Variants in CDH13 observed in about 807,000 individuals in gnomAD.
CDH13 encodes cadherin-13.
In CDH13, 24 loss-of-function variants were observed where a neutral mutation model predicts 63.8. The observed-to-expected ratio is 0.38, with a 90% CI of 0.27 to 0.53. The LOEUF is 0.53. Among genes scored for constraint, CDH13 ranks in the 20% least tolerant of loss-of-function variants. The probability of loss-of-function intolerance (pLI) is 0.85; values close to 1 mark genes in which losing one functional copy is unlikely to be tolerated. For missense variants in CDH13, 1,049 were observed against 903.1 expected (o/e 1.16, Z -2.07); for synonymous variants, 503 against 355.3 (o/e 1.42, Z -4.67).
At chr16:83,010,635 C>G (rs1329578876) in intron 2 of CDH13, among the ~76,000 whole-genome samples, 2 of 152,084 alleles carry the variant, frequency 1.3e-5, no homozygotes, top group Non-Finnish European at 2.9e-5. Flanking sequence ...TCAGAAATAC[C>G]TCCTTGTGGG....
At chr16:83,697,659 G>A (rs1420107321) in intron 10 of CDH13, among the ~76,000 whole-genome samples, 2 of 152,146 alleles carry the variant, frequency 1.3e-5, no homozygotes, top group African/African-American at 2.4e-5. Flanking sequence ...CGAGAGCAAT[G>A]GTTTTTGAGA....
rs28376781 is a variant in CDH13, at chr16:83,611,458, G to A, written c.1101+8864G>A. ...TTTTCTTGGTTGGTCCTGCCATGGA[G>A]TCATTCTATCCACTTTATTAATCTT... On this transcript the variant is annotated intron_variant, in intron 8 of 13. Transcript: ENST00000567109. Among the ~76,000 whole-genome samples, 1,084 of 151,964 alleles carry A rather than the reference G, an allele frequency of 7.1e-3. 9 individuals are homozygous for A. Among genetic ancestry groups the A allele is most frequent in the African/African-American group, 0.025 (1,038 of 41,482 alleles).
At chr16:83,025,573 C>T (rs145477565) in intron 2 of CDH13, among the ~76,000 whole-genome samples, 20 of 152,260 alleles carry the variant, frequency 1.3e-4, no homozygotes, top group African/African-American at 4.8e-4. Context: ...CCTCCCATGA[C>T]ACACGGGAGT....
At chr16:83,223,042 A>G (rs900947738) in intron 5 of CDH13, among the ~76,000 whole-genome samples, 1 of 142,008 alleles carries the variant, frequency 7.0e-6, no homozygotes, top group Admixed American at 7.4e-5. Context: ...ATGTCTGCTG[A>G]TATTGCCAGT....
At chr16:83,358,639 C>G (rs2091101779) in intron 6 of CDH13, among the ~76,000 whole-genome samples, 2 of 152,188 alleles carry the variant, frequency 1.3e-5, no homozygotes, top group Admixed American at 1.3e-4. Flanking sequence ...GACGTTGAGT[C>G]AAGCCACGCT....
intron 1 of CDH13, among the ~76,000 whole-genome samples, chr16:82,672,461 C>A (rs1319812833): frequency 1.3e-5 from 2 of 152,102 alleles, no homozygotes; most frequent in Non-Finnish European, 2.9e-5. Flanking sequence ...TTTAGTCCCT[C>A]CCTAATCACT....
At chr16:83,529,437 T>C (rs977239292) in intron 7 of CDH13, among the ~76,000 whole-genome samples, 2 of 152,190 alleles carry the variant, frequency 1.3e-5, no homozygotes, top group African/African-American at 4.8e-5. Context: ...AAAGGTTAGA[T>C]CTCCATTCAC....
intron 7 of CDH13, among the ~76,000 whole-genome samples, chr16:83,520,138 A>G (rs1209378303): frequency 6.6e-6 from 1 of 152,192 alleles, no homozygotes; most frequent in East Asian, 1.9e-4. Flanking sequence ...TGGTAGCCCC[A>G]GTCTTGAAAC....
intron 6 of CDH13, among the ~76,000 whole-genome samples, chr16:83,446,127 A>AC (rs2072681178): frequency 6.6e-6 from 1 of 151,758 alleles, no homozygotes; most frequent in African/African-American, 2.4e-5. Context: ...ACGTGGTGAA[A>AC]CCCCATCTCT....
chr16:83,133,223 A>AT (rs2036136203), intron 4 of CDH13, among the ~76,000 whole-genome samples: 1 of 152,176 alleles, frequency 6.6e-6, no homozygotes, highest in Admixed American at 6.5e-5. Flanking sequence ...CAGATAAAAT[A>AT]TTTTTTACTG....
intron 3 of CDH13, among the ~76,000 whole-genome samples, chr16:83,086,181 A>C (rs1433652848): frequency 6.6e-6 from 1 of 152,218 alleles, no homozygotes; most frequent in African/African-American, 2.4e-5. Flanking sequence ...TACATGTTTA[A>C]GGCAAAAATA....
rs148455587 is a variant in CDH13 at position 83,314,205 on chromosome 16, G to A, written c.637-30657G>A. ...TCACTCCCAACACACTTTGGGAAAC[G>A]GACAATCTATAATATCTTCTCTCTT... On this transcript the variant is annotated intron_variant, in intron 5 of 13. Coordinates refer to ENST00000567109, the MANE Select transcript of CDH13 (RefSeq NM_001257.5). Among the ~76,000 whole-genome samples, 799 of 152,106 alleles carry A rather than the reference G, an allele frequency of 5.3e-3. 5 individuals carry two copies. The highest frequency in any genetic ancestry group is 7.0e-3 in the Non-Finnish European group (478 of 67,988).
chr16:83,290,320 C>T (rs912618822), intron 5 of CDH13, among the ~76,000 whole-genome samples: 1 of 152,172 alleles, frequency 6.6e-6, no homozygotes, highest in African/African-American at 2.4e-5. Context: ...CACATCTCAC[C>T]TTGAATTGTA....
At chr16:82,978,638 A>C (rs1300835467) in intron 2 of CDH13, among the ~76,000 whole-genome samples, 3 of 152,266 alleles carry the variant, frequency 2.0e-5, no homozygotes, top group Admixed American at 2.0e-4. Flanking sequence ...GCAGGTACAC[A>C]GAAGTCAGTA....
chr16:83,732,549 G>A (rs1911141901), intron 10 of CDH13, among the ~76,000 whole-genome samples: 1 of 152,156 alleles, frequency 6.6e-6, no homozygotes, highest in Non-Finnish European at 1.5e-5. Flanking sequence ...CCCGGAAACT[G>A]TAGTAGGGTT....
At chr16:83,381,310 C>A (rs1177580628) in intron 6 of CDH13, among the ~76,000 whole-genome samples, 3 of 152,064 alleles carry the variant, frequency 2.0e-5, no homozygotes, top group Non-Finnish European at 2.9e-5. Flanking sequence ...ATCGTGGACT[C>A]CCCCTTTCCC....
intron 1 of CDH13, among the ~76,000 whole-genome samples, chr16:82,732,071 C>A (rs754749566): frequency 1.3e-5 from 2 of 152,108 alleles, no homozygotes; most frequent in African/African-American, 2.4e-5. Flanking sequence ...ATGAGTTCTT[C>A]CCTTTATGCA....
chr16:83,541,570 C>T (rs1297836978), intron 7 of CDH13, among the ~76,000 whole-genome samples: 1 of 152,166 alleles, frequency 6.6e-6, no homozygotes, highest in Non-Finnish European at 1.5e-5. Flanking sequence ...AGTCATCAAA[C>T]CACTCCTTCC....
At chr16:83,389,662 T>G (rs1353643096) in intron 6 of CDH13, among the ~76,000 whole-genome samples, 2 of 152,250 alleles carry the variant, frequency 1.3e-5, no homozygotes, top group Non-Finnish European at 2.9e-5. Flanking sequence ...CATAGCTTGT[T>G]GCTCTGTCCT....
Sources: gnomAD v4.1 joint callset for allele counts (sites outside exome capture counted in the v4.1 genomes callset) on GRCh38, gnomAD v4.1.1 for gene constraint, MANE v1.5 for transcripts, NCBI Gene and HGNC (gene_info 2026-07-23, HGNC 2026-07-21) for gene names.